UPRT: variants seen among roughly 807,000 people sequenced by gnomAD.
UPRT encodes the protein RP11-311P8.3.
In UPRT, 5 loss-of-function variants were observed where a neutral mutation model predicts 22.6. The observed-to-expected ratio is 0.22, with a 90% confidence interval of 0.12 to 0.47. The LOEUF (loss-of-function observed/expected upper bound fraction) is 0.47, where lower values mean the gene tolerates loss of function less well. UPRT is among the 20% of genes least tolerant of loss of function. The pLI, the probability that UPRT is intolerant of heterozygous loss-of-function variation, is 0.99. For synonymous variants in UPRT, 77 were observed against 87.7 expected, an observed-to-expected ratio of 0.88 and a Z score of 0.68; for missense variants, 181 against 239.9, an observed-to-expected ratio of 0.75 and a Z score of 1.62.
chrX:75,161,242 C>G (rs1243445355), intron 2 of UPRT, among the ~76,000 whole-genome samples: 1 of 112,570 alleles, frequency 8.9e-6, no homozygotes, highest in Non-Finnish European at 1.9e-5. Flanking sequence ...TAATCTCCAC[C>G]TTACAAATGA....
intron 4 of UPRT, among the ~76,000 whole-genome samples, chrX:75,174,498 G>A (rs1463816358): frequency 8.9e-6 from 1 of 112,064 alleles, no homozygotes; most frequent in Non-Finnish European, 1.9e-5. Context: ...AAGGGGAGAA[G>A]CCATGTTGCC....
chrX:75,297,872 G>A, intron 4 of UPRT: 1 of 225,330 alleles, frequency 4.4e-6, no homozygotes, highest in Non-Finnish European at 8.0e-6. Flanking sequence ...TGAAGACTGA[G>A]GGAATATGGT....
rs748039157 is a variant in UPRT, at chrX:75,235,646, C to T, written c.-446-55378C>T. Among the ~76,000 whole-genome samples the T allele has an allele frequency of 2.5e-4, 28 of 110,777 alleles. No homozygotes were observed. In the South Asian group the frequency reaches 6.5e-3, roughly 26 times the overall value. On this transcript the variant is annotated intron_variant, in intron 4 of 13. Coordinates refer to the UPRT transcript ENST00000652605. ...TGGGATGCAAGGCTGGTTCAATATACGCAAATCAATAAATGTAATCCAGCA... is the reference window on the plus strand; with the variant it reads ...TGGGATGCAAGGCTGGTTCAATATATGCAAATCAATAAATGTAATCCAGCA...
chrX:75,223,053 G>A (rs5981338), intron 4 of UPRT, among the ~76,000 whole-genome samples: 1,244 of 109,911 alleles, frequency 0.011, 15 homozygotes, highest in African/African-American at 0.039. Context: ...GTCAACAGTT[G>A]ATGAATCTTT....
At chrX:75,274,878 G>T in intron 1 of UPRT, 1 of 378,993 alleles carries the variant, frequency 2.6e-6, no homozygotes, top group South Asian at 6.7e-5. Flanking sequence ...CACTTTGGGT[G>T]GGGAGGAAGA....
intron 4 of UPRT, among the ~76,000 whole-genome samples, chrX:75,266,757 C>A (rs1569278267): frequency 9.0e-6 from 1 of 110,791 alleles, no homozygotes; most frequent in East Asian, 2.8e-4. Flanking sequence ...AAAAAACAAC[C>A]CCATCAAAAA....
intron 3 of UPRT, among the ~76,000 whole-genome samples, chrX:75,166,554 A>G (rs2082213747): frequency 1.8e-5 from 2 of 111,683 alleles, no homozygotes; most frequent in Non-Finnish European, 3.8e-5. Context: ...CAGATCCTCT[A>G]CTCACCAAAT....
chrX:75,247,344 T>C (rs1036374257), intron 4 of UPRT, among the ~76,000 whole-genome samples: 3 of 109,802 alleles, frequency 2.7e-5, no homozygotes, highest in Non-Finnish European at 3.8e-5. Context: ...AAAAAAGGGG[T>C]GACAGATGGC....
intron 4 of UPRT, among the ~76,000 whole-genome samples, chrX:75,226,869 ACTGT>A (rs771915486): frequency 2.9e-4 from 32 of 111,150 alleles, no homozygotes; most frequent in African/African-American, 6.2e-4. Flanking sequence ...ATCTGAGAAC[ACTGT>A]CTGGCACAAA....
At chrX:75,286,691 A>C (rs1376804023) in intron 1 of UPRT, among the ~76,000 whole-genome samples, 1 of 112,071 alleles carries the variant, frequency 8.9e-6, no homozygotes, top group Non-Finnish European at 1.9e-5. Flanking sequence ...TTGTATATAC[A>C]TATCAATCGG....
intron 4 of UPRT, among the ~76,000 whole-genome samples, chrX:75,204,404 G>A (rs1185728024): frequency 8.9e-6 from 1 of 112,771 alleles, no homozygotes. Context: ...TCACCTGCCA[G>A]CAGGCAAAGA....
At chrX:75,286,164 A>G (rs1436684630) in intron 1 of UPRT, among the ~76,000 whole-genome samples, 2 of 111,481 alleles carry the variant, frequency 1.8e-5, no homozygotes, top group African/African-American at 6.5e-5. Context: ...GTTTGAGTCC[A>G]TTTAATTCTT....
chrX:75,213,294 G>T (rs1270195619), intron 4 of UPRT, among the ~76,000 whole-genome samples: 1 of 112,083 alleles, frequency 8.9e-6, no homozygotes, highest in African/African-American at 3.2e-5. Context: ...CAAGTAAGGG[G>T]TTATATATGC....
At chrX:75,166,535 T>G (rs935177615) in intron 3 of UPRT, among the ~76,000 whole-genome samples, 1 of 112,002 alleles carries the variant, frequency 8.9e-6, no homozygotes, top group African/African-American at 3.2e-5. Context: ...CCATTCAAAT[T>G]CATCTGCTCA....
intron 4 of UPRT, among the ~76,000 whole-genome samples, chrX:75,190,609 G>A (rs1340875714): frequency 8.9e-6 from 1 of 112,033 alleles, no homozygotes; most frequent in African/African-American, 3.2e-5. Flanking sequence ...TCACTTTCAG[G>A]TACTCCAGTC....
intron 4 of UPRT, among the ~76,000 whole-genome samples, chrX:75,183,331 G>A (rs776952198): frequency 9.0e-6 from 1 of 111,198 alleles, no homozygotes; most frequent in Non-Finnish European, 1.9e-5. Context: ...CTTCATCCAT[G>A]TCCCCACAAA....
intron 4 of UPRT, among the ~76,000 whole-genome samples, chrX:75,185,754 G>T (rs1261724793): frequency 8.9e-6 from 1 of 111,901 alleles, no homozygotes; most frequent in Non-Finnish European, 1.9e-5. Flanking sequence ...TCTTGGGAGG[G>T]TGTATGTGTC....
intron 4 of UPRT, among the ~76,000 whole-genome samples, chrX:75,191,095 C>A (rs1216864418): frequency 1.8e-5 from 2 of 111,657 alleles, no homozygotes; most frequent in Non-Finnish European, 3.8e-5. Context: ...GTTTCTTTCC[C>A]CATCTTTGTG....
intron 1 of UPRT, 198 bp downstream of exon 1, chrX:75,274,838 C>T (rs1356013330): frequency 4.7e-6 from 2 of 428,929 alleles, no homozygotes; most frequent in Non-Finnish European, 3.7e-6. Flanking sequence ...GAACGCCAAC[C>T]TTCTCTTTCC....
Sources: allele counts gnomAD v4.1 joint callset (sites outside exome capture counted in the v4.1 genomes callset), GRCh38; gene constraint gnomAD v4.1.1; transcripts MANE v1.5; gene names NCBI Gene and HGNC (gene_info 2026-07-23, HGNC 2026-07-21).